Variants in VPS52 observed in about 807,000 individuals in gnomAD.
VPS52 encodes vacuolar protein sorting-associated protein 52 homolog.
A neutral mutation model predicts 98.7 loss-of-function variants in VPS52; 56 were observed. That is an observed-to-expected ratio of 0.57 (90% CI 0.46 to 0.71). VPS52 has a LOEUF of 0.71. Ranked by LOEUF, VPS52 falls within the 30% of genes least tolerant of loss-of-function variation. The pLI, the probability that VPS52 is intolerant of heterozygous loss-of-function variation, is 0.00. For synonymous variants in VPS52, 348 were observed against 346.4 expected, an observed-to-expected ratio of 1.00 and a Z score of -0.05; for missense variants, 742 against 925.9, an observed-to-expected ratio of 0.80 and a Z score of 2.58.
chr6:33,267,416 G>C lies in VPS52; in HGVS notation c.992-95C>G. 1 of 1,505,202 alleles carries C rather than the reference G, an allele frequency of 6.6e-7. No homozygotes were observed. Among genetic ancestry groups the C allele is most frequent in the Non-Finnish European group, 8.9e-7 (1 of 1,127,758 alleles). The allele number at this position is 1,505,202 out of a possible 1,614,324, so 93.2% of individuals were successfully genotyped here. On this transcript the variant is annotated intron_variant, in intron 10 of 19. Coordinates refer to ENST00000445902, the MANE Select transcript of VPS52 (RefSeq NM_022553.6). This position sits in a 1 kb window ranked among gnomAD's most constrained non-coding sequence, Gnocchi z 4.2. ...ACCCCAGACAGGCAGACGTGGCCTA[G>C]CCAGCCCTCTTTCCCAGTACTAGGG... is the stretch of plus-strand genomic sequence containing the variant.
At chr6:33,265,393 A>T (rs1391024085) in intron 12 of VPS52, among the ~76,000 whole-genome samples, 1 of 151,926 alleles carries the variant, frequency 6.6e-6, no homozygotes, top group African/African-American at 2.4e-5. Context: ...CTTTAGAGAC[A>T]GGTTGTTTTG....
chr6:33,267,433 G>A lies in VPS52; in HGVS notation c.992-112C>T, dbSNP rs1764472186. 1.4e-6 allele frequency: 2 copies of A among 1,479,678 alleles called. No individual in the cohort carries two copies. The highest frequency in any genetic ancestry group is 1.4e-5 in the African/African-American group (1 of 70,814). 91.7% of individuals were successfully genotyped at this position (1,479,678 alleles called of 1,614,324 possible). ...GTGGCCTAGCCAGCCCTCTTTCCCA[G>A]TACTAGGGCCCCACGTGCTGACATC... On this transcript the variant is annotated intron_variant, in intron 10 of 19. Coordinates refer to ENST00000445902, the MANE Select transcript of VPS52 (RefSeq NM_022553.6). This position sits in a 1 kb window ranked among gnomAD's most constrained non-coding sequence, Gnocchi z 4.2.
Position 33,267,362 on chromosome 6 carries a change from C to G in VPS52, c.992-41G>C. ...GTCAGGGAAAACAATGAGACCATAA[C>G]TGGGCCCAAAGACTCACTATCTGTG... On this transcript the variant is annotated intron_variant, in intron 10 of 19. Coordinates refer to ENST00000445902, the MANE Select transcript of VPS52 (RefSeq NM_022553.6). The surrounding 1 kb of genome is among the most constrained non-coding windows in gnomAD (Gnocchi z 4.2). 2.6e-6 allele frequency: 4 copies of G among 1,533,072 alleles called. No individual in the cohort carries two copies. The highest frequency in any genetic ancestry group is 1.4e-5 in the African/African-American group (1 of 72,404). The allele number at this position is 1,533,072 out of a possible 1,614,324, so 95.0% of individuals were successfully genotyped here.
At chr6:33,263,275 A>AG (rs200294018) in intron 17 of VPS52, among the ~76,000 whole-genome samples, 1 of 148,762 alleles carries the variant, frequency 6.7e-6, no homozygotes, top group Non-Finnish European at 1.5e-5. Context: ...AAAAAAAAAA[A>AG]AAAAAAAAAC....
chr6:33,267,047 A>T lies in VPS52; in HGVS notation c.1125+141T>A. On this transcript the variant is annotated intron_variant, in intron 11 of 19. Coordinates refer to ENST00000445902, the MANE Select transcript of VPS52 (RefSeq NM_022553.6). This position sits in a 1 kb window ranked among gnomAD's most constrained non-coding sequence, Gnocchi z 4.2. ...CTCTTTTCACATCACAGCAGGCTGG[A>T]GTGATTGGAGAAGGCCACTCCCAAG... is the stretch of plus-strand genomic sequence containing the variant. 8.3e-7 allele frequency: 1 copy of T among 1,206,488 alleles called. No individual in the cohort carries two copies. Among genetic ancestry groups the T allele is most frequent in the Non-Finnish European group, 1.1e-6 (1 of 896,558 alleles). 74.7% of individuals were successfully genotyped at this position (1,206,488 alleles called of 1,614,324 possible). A position where few individuals can be genotyped will look rare whatever the true frequency, so the allele number is the denominator to read the frequency against.
At position 33,267,388 on chromosome 6, in the gene VPS52, G is replaced by T; in HGVS notation, c.992-67C>A. On this transcript the variant is annotated intron_variant, in intron 10 of 19. Transcript: ENST00000445902. The surrounding 1 kb of genome is among the most constrained non-coding windows in gnomAD (Gnocchi z 4.2). ...TGGGCCCAAAGACTCACTATCTGTG[G>T]GGACCCCAGACAGGCAGACGTGGCC... is the stretch of plus-strand genomic sequence containing the variant. The T allele has an allele frequency of 6.6e-7, 1 of 1,518,734 alleles. No homozygotes were observed. The highest frequency in any genetic ancestry group is 8.8e-7 in the Non-Finnish European group (1 of 1,134,562). 94.1% of individuals were successfully genotyped at this position (1,518,734 alleles called of 1,614,324 possible).
At chr6:33,255,331 G>A (rs1390941492) in intron 17 of VPS52, among the ~76,000 whole-genome samples, 1 of 152,086 alleles carries the variant, frequency 6.6e-6, no homozygotes. Context: ...CAAATCCAGT[G>A]ACAAATCCCA....
intron 19 of VPS52, among the ~76,000 whole-genome samples, 157 bp from the exon 20 acceptor site, chr6:33,251,144 C>T (rs1762182424): frequency 6.6e-6 from 1 of 152,078 alleles, no homozygotes; most frequent in Non-Finnish European, 1.5e-5. Flanking sequence ...GAATTCGAGA[C>T]CAGCCTGGCC....
rs1562559640 is a variant in VPS52, at chr6:33,264,365, C to T, written c.1524+9G>A. 2 of 1,613,710 alleles carry T rather than the reference C, an allele frequency of 1.2e-6. No individual in the cohort carries two copies. The highest frequency in any genetic ancestry group is 1.7e-6 in the Non-Finnish European group (2 of 1,179,798). ...TCAAGAACCCTTTGTTACCCTTGCC[C>T]TCCCTCACATAGTGGGGCCGAGTAT... On this transcript the variant is annotated intron_variant, in intron 14 of 19. Coordinates refer to ENST00000445902, the MANE Select transcript of VPS52 (RefSeq NM_022553.6).
chr6:33,260,064 T>C (rs1415938593), intron 17 of VPS52, among the ~76,000 whole-genome samples: 1 of 152,214 alleles, frequency 6.6e-6, no homozygotes, highest in Non-Finnish European at 1.5e-5. Flanking sequence ...AATCCATTTA[T>C]AGAATATGTT....
intron 4 of VPS52, 26 bp downstream of exon 4, chr6:33,269,718 C>CT (rs1220883251): frequency 2.5e-6 from 4 of 1,609,410 alleles, no homozygotes; most frequent in Non-Finnish European, 3.4e-6. Flanking sequence ...TCAATAGCAC[C>CT]ACCCCTTCCC....
Position 33,257,846 on chromosome 6 carries a change from A to AAAC in VPS52, c.1794+5635_1794+5637dup, listed in dbSNP as rs200009052. Reference sequence around the variant, plus strand: ...AACATAGTGAGACTCTGTCTCTACAAAACAACAACAACAACAAAAATTAGC... The same window carrying AAAC: ...AACATAGTGAGACTCTGTCTCTACAAAACAACAACAACAACAACAAAAATTAGC... On this transcript the variant is annotated intron_variant, in intron 17 of 19. Transcript: ENST00000445902. Among the ~76,000 whole-genome samples, 8 of 152,182 alleles carry AAAC rather than the reference A, an allele frequency of 5.3e-5. 1 individual carries two copies. In the South Asian group the frequency reaches 1.5e-3, roughly 28 times the overall value.
At position 33,268,398 on chromosome 6, in the gene VPS52, C is replaced by T. The variant is rs79390011; in HGVS notation, c.699+101G>A. The T allele has an allele frequency of 0.021, 30,732 of 1,473,544 alleles. 608 individuals carry two copies. The highest frequency in any genetic ancestry group is 0.088 in the African/African-American group (6,235 of 71,020). 91.3% of individuals were successfully genotyped at this position (1,473,544 alleles called of 1,614,324 possible). A position where few individuals can be genotyped will look rare whatever the true frequency, so the allele number is the denominator to read the frequency against. ...GCCCAGAAAAGGCAGGGTGAAGTCC[C>T]TGGAGACAGGCTACAGTGAGCTCTG... On this transcript the variant is annotated intron_variant, in intron 7 of 19. Transcript: ENST00000445902. This position sits in a 1 kb window ranked among gnomAD's most constrained non-coding sequence, Gnocchi z 4.0.
At chr6:33,258,288 G>A (rs1318501763) in intron 17 of VPS52, among the ~76,000 whole-genome samples, 1 of 150,980 alleles carries the variant, frequency 6.6e-6, no homozygotes, top group Non-Finnish European at 1.5e-5. Context: ...TCAGGAGGCT[G>A]AGAAAGGATA....
chr6:33,267,795 A>AT lies in VPS52; in HGVS notation c.934-57dup. 1 of 1,612,922 alleles carries AT rather than the reference A, an allele frequency of 6.2e-7. No individual in the cohort carries two copies. Among genetic ancestry groups the AT allele is most frequent in the Non-Finnish European group, 8.5e-7 (1 of 1,179,978 alleles). On this transcript the variant is annotated intron_variant, in intron 9 of 19. Transcript: ENST00000445902. The surrounding 1 kb of genome is among the most constrained non-coding windows in gnomAD (Gnocchi z 4.2). Reference sequence around the variant, plus strand: ...GTCTCTTCCCACAACACAATAAAATATTCCTTGCCCAGGGATGTCCCCTCC... The same window carrying AT: ...GTCTCTTCCCACAACACAATAAAATATTTCCTTGCCCAGGGATGTCCCCTCC...
At chr6:33,270,416 T>C (rs1316474752) in intron 1 of VPS52, 133 bp from the exon 2 acceptor site, 2 of 786,476 alleles carry the variant, frequency 2.5e-6, no homozygotes, top group African/African-American at 3.6e-5. Flanking sequence ...TTTGAAAAAT[T>C]CTAAGAGTCT....
In VPS52 at chr6:33,264,794, G is replaced by C. The variant is rs1335975706; in HGVS notation, c.1388C>G (p.Pro463Arg). ...FRNIAAKRDV[P>R]ALDRYWEQVL... Reference sequence around the variant, plus strand: ...AGAATTCAGTGACCTGTCCAGGGCAGGAACATCCCTCTTTGCTGCAATGTT... The same window carrying C: ...AGAATTCAGTGACCTGTCCAGGGCACGAACATCCCTCTTTGCTGCAATGTT... Residue 463 changes from proline to arginine, a missense_variant, in exon 13 of 20, where the codon CCT becomes CGT. Physicochemically the swap from Pro to Arg is moderately radical, Grantham distance 103 (BLOSUM62 -2). Coordinates refer to ENST00000445902, the MANE Select transcript of VPS52 (RefSeq NM_022553.6). 6.2e-7 allele frequency: 1 copy of C among 1,613,106 alleles called. No homozygotes were observed. The highest frequency in any genetic ancestry group is 8.5e-7 in the Non-Finnish European group (1 of 1,179,978).
intron 17 of VPS52, among the ~76,000 whole-genome samples, chr6:33,262,747 T>C (rs1020477757): frequency 2.6e-5 from 4 of 152,258 alleles, no homozygotes; most frequent in African/African-American, 9.6e-5. Flanking sequence ...GAAATTATTA[T>C]ATTAAGTGAA....
At position 33,250,601 on chromosome 6, in the gene VPS52, T is replaced by G; in HGVS notation, c.*240A>C. ...AGACTGGAGAAATGATAAAGGCCAT[T>G]TTGGAAGCCCACAGGGAAGTGGTCT... On this transcript the variant is annotated 3_prime_UTR_variant, in exon 20 of 20. Transcript: ENST00000445902. 1 of 517,972 alleles carries G rather than the reference T, an allele frequency of 1.9e-6. No homozygotes were observed. The highest frequency in any genetic ancestry group is 3.4e-6 in the Non-Finnish European group (1 of 296,500). The allele number at this position is 517,972 out of a possible 1,614,324, so 32.1% of individuals were successfully genotyped here.
Sources: gnomAD v4.1 joint callset for allele counts (sites outside exome capture counted in the v4.1 genomes callset) on GRCh38, gnomAD v4.1.1 for gene constraint, Gnocchi (gnomAD v3.1) non-coding constraint, MANE v1.5 for transcripts, NCBI Gene and HGNC (gene_info 2026-07-23, HGNC 2026-07-21) for gene names.